Variants in STRBP observed in about 807,000 individuals in gnomAD.
STRBP encodes spermatid perinuclear RNA binding protein.
A neutral mutation model predicts 80.1 loss-of-function variants in STRBP; 13 were observed. The observed-to-expected ratio is 0.16, with a 90% CI of 0.11 to 0.26. STRBP has a LOEUF of 0.26. STRBP is among the 10% of genes least tolerant of loss of function. The pLI is 1.00. For missense variants in STRBP, 485 were observed against 815.2 expected (o/e 0.59, Z 4.93); for synonymous variants, 284 against 291.2 (o/e 0.98, Z 0.25).
At chr9:123,236,184 T>C (rs2040556470) in intron 2 of STRBP, among the ~76,000 whole-genome samples, 1 of 152,218 alleles carries the variant, frequency 6.6e-6, no homozygotes, top group African/African-American at 2.4e-5. Flanking sequence ...CCATATAGTA[T>C]AAAGTGGTTT....
chr9:123,174,661 A>G (rs903294985), intron 4 of STRBP, among the ~76,000 whole-genome samples: 1 of 152,198 alleles, frequency 6.6e-6, no homozygotes, highest in African/African-American at 2.4e-5. Flanking sequence ...CTCCCTTTCT[A>G]TATCAGCTTA....
intron 3 of STRBP, chr9:123,111,234 TG>T: frequency 1.1e-5 from 2 of 175,072 alleles, no homozygotes. Flanking sequence ...CTGGATCGAG[TG>T]TCTTGCCACG....
intron 2 of STRBP, among the ~76,000 whole-genome samples, chr9:123,197,333 T>C (rs1396722290): frequency 6.6e-6 from 1 of 152,106 alleles, no homozygotes; most frequent in Non-Finnish European, 1.5e-5. Flanking sequence ...CACAACAGGG[T>C]GATTACAGTC....
intron 5 of STRBP, among the ~76,000 whole-genome samples, chr9:123,170,937 GAATTC>G (rs1198171170): frequency 6.6e-6 from 1 of 151,854 alleles, no homozygotes; most frequent in Non-Finnish European, 1.5e-5. Flanking sequence ...TGTATTAAAA[GAATTC>G]AAAGTCACTT....
At chr9:123,141,486 T>G (rs551145512) in intron 13 of STRBP, among the ~76,000 whole-genome samples, 2 of 152,346 alleles carry the variant, frequency 1.3e-5, no homozygotes, top group South Asian at 4.1e-4. Flanking sequence ...CCTGTAAATA[T>G]GCTCTCCCTG....
intron 1 of STRBP, among the ~76,000 whole-genome samples, chr9:123,239,594 T>G (rs1359904152): frequency 6.6e-6 from 1 of 152,170 alleles, no homozygotes; most frequent in Non-Finnish European, 1.5e-5. Flanking sequence ...GACTTATTAC[T>G]GAAAGCAAGA....
In STRBP at chr9:123,130,092, C is replaced by T. The variant is rs546192843; in HGVS notation, c.1898-1834G>A. On this transcript the variant is annotated intron_variant, in intron 17 of 18. Coordinates refer to ENST00000348403, the MANE Select transcript of STRBP (RefSeq NM_018387.5). The stretch of plus-strand genomic sequence containing the variant: ...ATGAGACCACAAGTACTAACTAGGT[C>T]ATTCATCAGGACACTGGAGTCCTGA... 2.0e-5 allele frequency among the ~76,000 whole-genome samples: 3 copies of T among 152,304 alleles called. No individual in the cohort carries two copies. In the South Asian group the frequency reaches 6.2e-4, roughly 32 times the overall value.
chr9:123,160,493 C>A, intron 7 of STRBP, 31 bp from the exon 8 acceptor site: 1 of 1,517,676 alleles, frequency 6.6e-7, no homozygotes, highest in Non-Finnish European at 9.0e-7. Context: ...CCAGATATCC[C>A]TATTGAGATC....
intron 14 of STRBP, among the ~76,000 whole-genome samples, chr9:123,137,194 T>A (rs193281356): frequency 8.5e-5 from 13 of 152,272 alleles, no homozygotes; most frequent in Admixed American, 4.6e-4. Context: ...GTGAAATAAT[T>A]CATGCAAGAG....
chr9:123,124,142 C>A lies in STRBP; in HGVS notation c.*1455G>T, dbSNP rs2035812781. ...TGGTCCCGAAGGAATTTGGTACATA[C>A]ATTTGCCATATTTTGTGAAGCCCAT... On this transcript the variant is annotated 3_prime_UTR_variant, in exon 19 of 19. Transcript: ENST00000348403. 1.0e-6 allele frequency: 1 copy of A among 985,416 alleles called. No homozygotes were observed. Among genetic ancestry groups the A allele is most frequent in the Non-Finnish European group, 1.2e-6 (1 of 829,916 alleles). The allele number at this position is 985,416 out of a possible 1,614,324, so 61.0% of individuals were successfully genotyped here.
intron 1 of STRBP, among the ~76,000 whole-genome samples, chr9:123,267,951 C>G (rs1163789481): frequency 1.3e-5 from 2 of 151,460 alleles, no homozygotes; most frequent in African/African-American, 4.8e-5. Flanking sequence ...CCTGAAGGCT[C>G]TCCTCCTCCA....
chr9:123,141,324 T>C (rs1307413183), intron 13 of STRBP, among the ~76,000 whole-genome samples: 1 of 152,226 alleles, frequency 6.6e-6, no homozygotes, highest in Non-Finnish European at 1.5e-5. Context: ...TAAAATGTCT[T>C]GTATTTGCTT....
intron 17 of STRBP, among the ~76,000 whole-genome samples, chr9:123,129,234 G>A (rs1382278925): frequency 6.6e-6 from 1 of 152,048 alleles, no homozygotes; most frequent in African/African-American, 2.4e-5. Flanking sequence ...GTGCATGCCT[G>A]TAGTCCCAGC....
At position 123,164,301 on chromosome 9, in the gene STRBP, C is replaced by A. The variant is rs372980787; in HGVS notation, c.536-3233G>T. On this transcript the variant is annotated intron_variant, in intron 6 of 18. Coordinates refer to ENST00000348403, the MANE Select transcript of STRBP (RefSeq NM_018387.5). ...ACCTCAGGTGATCTGCCCACCTCAG[C>A]CTCCCAAAGTGCTGCAATTACAGGT... 2.4e-4 allele frequency among the ~76,000 whole-genome samples: 36 copies of A among 152,306 alleles called. No homozygotes were observed. The East Asian group carries it at 4.6e-3, about 20-fold the overall frequency.
At chr9:123,151,964 C>T (rs2037075178) in intron 11 of STRBP, among the ~76,000 whole-genome samples, 2 of 151,890 alleles carry the variant, frequency 1.3e-5, no homozygotes, top group African/African-American at 4.8e-5. Flanking sequence ...AAATAAGGTA[C>T]AAAATGTATA....
chr9:123,188,353 A>G (rs1455712915), intron 2 of STRBP, among the ~76,000 whole-genome samples: 1 of 152,176 alleles, frequency 6.6e-6, no homozygotes, highest in Non-Finnish European at 1.5e-5. Context: ...GTAAATCTCA[A>G]GACTAGGCCA....
At position 123,179,080 on chromosome 9, in the gene STRBP, C is replaced by T; in HGVS notation, c.151G>A (p.Glu51Lys). ...ALKHVSDWLD[E>K]TNKGTKTEGE... Reference sequence around the variant, plus strand: ...TCTGTTTTTGTGCCTTTATTTGTTTCATCCAACCAATCTGAGACATGTTTA... The same window carrying T: ...TCTGTTTTTGTGCCTTTATTTGTTTTATCCAACCAATCTGAGACATGTTTA... The change falls in exon 4 of 19, where the codon GAA becomes AAA. Residue 51 changes from glutamate (E) to lysine (K), a missense_variant. Glu to Lys is a moderately conservative substitution (Grantham distance 56). Transcript: ENST00000348403. 6.2e-7 allele frequency: 1 copy of T among 1,614,110 alleles called. No individual in the cohort carries two copies. The highest frequency in any genetic ancestry group is 8.5e-7 in the Non-Finnish European group (1 of 1,180,002).
In STRBP at chr9:123,246,275, A is replaced by G. The variant is rs117147681; in HGVS notation, c.-301-9309T>C. ...CATGTGAAAAGGCAACATTGACAGCATCACAAAAACCTTAATTTAAAACTA... is the reference window on the plus strand; with the variant it reads ...CATGTGAAAAGGCAACATTGACAGCGTCACAAAAACCTTAATTTAAAACTA... On this transcript the variant is annotated intron_variant, in intron 1 of 18. Transcript: ENST00000348403. Among the ~76,000 whole-genome samples, 760 of 152,366 alleles carry G rather than the reference A, an allele frequency of 5.0e-3. 5 individuals carry two copies. Among genetic ancestry groups the G allele is most frequent in the Non-Finnish European group, 7.1e-3 (485 of 68,032 alleles).
intron 2 of STRBP, among the ~76,000 whole-genome samples, chr9:123,216,552 C>G (rs778004758): frequency 2.6e-5 from 4 of 152,196 alleles, no homozygotes; most frequent in Non-Finnish European, 5.9e-5. Flanking sequence ...GTGACCACAG[C>G]TGCTGTGCTT....
Sources: allele counts gnomAD v4.1 joint callset (sites outside exome capture counted in the v4.1 genomes callset), GRCh38; gene constraint gnomAD v4.1.1; transcripts MANE v1.5; gene names NCBI Gene and HGNC (gene_info 2026-07-23, HGNC 2026-07-21).